Variants in RBFOX1 observed in about 807,000 individuals in gnomAD.
RBFOX1 encodes the protein RNA binding fox-1 homolog 1.
RBFOX1 carries 8 observed loss-of-function variants against 57.7 expected under a neutral mutation model. The ratio of observed to expected loss-of-function variants is 0.14; its 90% CI spans 0.08 to 0.25. RBFOX1 has a LOEUF of 0.25. Ranked by LOEUF, RBFOX1 falls within the 10% of genes least tolerant of loss-of-function variation. RBFOX1 has a pLI of 1.00. For synonymous variants in RBFOX1, 326 were observed against 222.4 expected (o/e 1.47, Z -4.15); for missense variants, 611 against 548.5 (o/e 1.11, Z -1.14).
intron 2 of RBFOX1, among the ~76,000 whole-genome samples, chr16:6,647,052 G>A (rs867827721): frequency 6.6e-6 from 1 of 152,120 alleles, no homozygotes; most frequent in African/African-American, 2.4e-5. Flanking sequence ...CATAGTTCTT[G>A]TGTCTGGATA....
chr16:7,710,423 G>A (rs900138748), intron 15 of RBFOX1, 200 bp from the exon 16 acceptor site: 1 of 1,395,822 alleles, frequency 7.2e-7, no homozygotes, highest in African/African-American at 1.5e-5. Flanking sequence ...GGTTTTGCAG[G>A]GAATTTCTTT....
At chr16:6,589,533 G>A (rs994338911) in intron 2 of RBFOX1, among the ~76,000 whole-genome samples, 2 of 152,226 alleles carry the variant, frequency 1.3e-5, no homozygotes, top group African/African-American at 4.8e-5. Context: ...ATCAAGTGCA[G>A]AGTCTGCAAA....
At chr16:5,672,221 G>A (rs888588978) in intron 3 of RBFOX1, among the ~76,000 whole-genome samples, 2 of 152,140 alleles carry the variant, frequency 1.3e-5, no homozygotes, top group Non-Finnish European at 2.9e-5. Flanking sequence ...TCTTAGGTGA[G>A]CTTCATAGTG....
chr16:6,343,766 G>C (rs919059191), intron 2 of RBFOX1, among the ~76,000 whole-genome samples: 2 of 152,150 alleles, frequency 1.3e-5, no homozygotes, highest in Non-Finnish European at 2.9e-5. Flanking sequence ...TGAATCAGTC[G>C]TCTTTCTCAG....
At chr16:7,502,436 G>C (rs574614143) in intron 4 of RBFOX1, among the ~76,000 whole-genome samples, 1 of 152,256 alleles carries the variant, frequency 6.6e-6, no homozygotes, top group South Asian at 2.1e-4. Context: ...TGTAGGGGTG[G>C]CAGGTGGTTG....
intron 3 of RBFOX1, among the ~76,000 whole-genome samples, chr16:7,037,015 A>G (rs2153700475): frequency 6.6e-6 from 1 of 152,258 alleles, no homozygotes; most frequent in South Asian, 2.1e-4. Context: ...ATAAACTGTC[A>G]TGGTGCCAGT....
chr16:6,946,495 C>A (rs771891971), intron 3 of RBFOX1, among the ~76,000 whole-genome samples: 9 of 152,162 alleles, frequency 5.9e-5, no homozygotes, highest in Non-Finnish European at 1.2e-4. Flanking sequence ...CCTGTTTTCT[C>A]CTCCTTGTTT....
intron 13 of RBFOX1, among the ~76,000 whole-genome samples, chr16:7,675,808 G>A (rs1280873371): frequency 1.3e-5 from 2 of 152,140 alleles, no homozygotes; most frequent in East Asian, 3.9e-4. Context: ...ATGGGACTGT[G>A]TGTTCTAATT....
At chr16:5,772,720 G>T (rs189792866) in intron 3 of RBFOX1, among the ~76,000 whole-genome samples, 1 of 152,306 alleles carries the variant, frequency 6.6e-6, no homozygotes, top group Admixed American at 6.5e-5. Flanking sequence ...GAGAGGAACA[G>T]ATCTGATTGA....
intron 3 of RBFOX1, among the ~76,000 whole-genome samples, chr16:7,047,621 T>G (rs1297853467): frequency 6.6e-6 from 1 of 151,682 alleles, no homozygotes; most frequent in African/African-American, 2.4e-5. Context: ...TTCTTAATTT[T>G]TTTTTTTGCA....
intron 1 of RBFOX1, among the ~76,000 whole-genome samples, chr16:5,340,120 T>C (rs147471572): frequency 3.5e-4 from 54 of 152,366 alleles, no homozygotes; most frequent in African/African-American, 1.2e-3. Flanking sequence ...TCCTGGTATT[T>C]TGTTTTAAGT....
At chr16:7,006,320 A>C (rs2093294978) in intron 3 of RBFOX1, among the ~76,000 whole-genome samples, 1 of 151,978 alleles carries the variant, frequency 6.6e-6, no homozygotes, top group African/African-American at 2.4e-5. Context: ...ATACCCAGCT[A>C]ATTTTTGTAT....
At chr16:7,124,344 GT>G (rs1425282661) in intron 4 of RBFOX1, among the ~76,000 whole-genome samples, 3 of 152,132 alleles carry the variant, frequency 2.0e-5, no homozygotes, top group Non-Finnish European at 2.9e-5. Flanking sequence ...AGTTCAGGAG[GT>G]TGAGGCTGCA....
chr16:7,442,127 G>A (rs2098772851), intron 4 of RBFOX1, among the ~76,000 whole-genome samples: 1 of 152,148 alleles, frequency 6.6e-6, no homozygotes, highest in Non-Finnish European at 1.5e-5. Context: ...GGGTCTGAGT[G>A]CTGGGCTGAA....
intron 3 of RBFOX1, among the ~76,000 whole-genome samples, chr16:6,825,415 C>T (rs1242066718): frequency 6.6e-6 from 1 of 151,986 alleles, no homozygotes; most frequent in Non-Finnish European, 1.5e-5. Context: ...AGAGATTATT[C>T]AGCAAGGCAG....
chr16:7,454,027 G>T (rs1352411267), intron 4 of RBFOX1, among the ~76,000 whole-genome samples: 1 of 152,202 alleles, frequency 6.6e-6, no homozygotes, highest in East Asian at 1.9e-4. Flanking sequence ...GAGGTCAGGA[G>T]TTCCAGACCA....
chr16:7,337,686 G>C (rs185102648), intron 4 of RBFOX1, among the ~76,000 whole-genome samples: 358 of 152,216 alleles, frequency 2.4e-3, no homozygotes, highest in South Asian at 4.4e-3. Context: ...GTTTTTGTTT[G>C]TTTGTTTGCT....
intron 2 of RBFOX1, among the ~76,000 whole-genome samples, chr16:6,602,331 C>T (rs200546245): frequency 3.9e-5 from 6 of 152,018 alleles, no homozygotes; most frequent in East Asian, 3.8e-4. Context: ...TGAAAAAGTC[C>T]GACGTATTCT....
chr16:6,896,636 A>G (rs74008412), intron 3 of RBFOX1, among the ~76,000 whole-genome samples: 12,061 of 152,148 alleles, frequency 0.079, 1,592 homozygotes, highest in African/African-American at 0.27. Flanking sequence ...CGGTATTTCA[A>G]ACGCACTTAG....
Sources: allele counts gnomAD v4.1 joint callset (sites outside exome capture counted in the v4.1 genomes callset), GRCh38; gene constraint gnomAD v4.1.1; transcripts MANE v1.5; gene names NCBI Gene and HGNC (gene_info 2026-07-23, HGNC 2026-07-21).